The following MYRIP variants were observed in gnomAD, a reference collection of about 807,000 sequenced individuals.
The protein encoded by MYRIP is rab effector MyRIP.
Under a neutral mutation model 98.0 loss-of-function variants are expected in MYRIP, and 49 were observed. The ratio of observed to expected loss-of-function variants is 0.50; its 90% CI spans 0.40 to 0.63. The LOEUF (loss-of-function observed/expected upper bound fraction) is 0.63. Among genes scored for constraint, MYRIP ranks in the 30% least tolerant of loss-of-function variants. The pLI is 0.00. For missense variants in MYRIP, 1,004 were observed against 1,058.2 expected (o/e 0.95, Z 0.71); for synonymous variants, 404 against 409.5 (o/e 0.99, Z 0.16).
chr3:40,081,089 G>A (rs1290627441), intron 3 of MYRIP, among the ~76,000 whole-genome samples: 2 of 151,860 alleles, frequency 1.3e-5, no homozygotes, highest in African/African-American at 4.8e-5. Flanking sequence ...TTATTGCATT[G>A]TCCTCAGAGA....
At chr3:40,129,885 A>T (rs1049690602) in intron 3 of MYRIP, among the ~76,000 whole-genome samples, 1 of 152,216 alleles carries the variant, frequency 6.6e-6, no homozygotes, top group Non-Finnish European at 1.5e-5. Context: ...GTGCTGTTCT[A>T]TGTGATTCCG....
At chr3:40,193,628 T>C (rs372415773) in intron 10 of MYRIP, among the ~76,000 whole-genome samples, 24 of 152,300 alleles carry the variant, frequency 1.6e-4, no homozygotes, top group African/African-American at 5.8e-4. Context: ...AATTTTAAAA[T>C]AGACTTGCCA....
At chr3:39,963,121 G>T (rs1945364001) in intron 2 of MYRIP, among the ~76,000 whole-genome samples, 1 of 152,056 alleles carries the variant, frequency 6.6e-6, no homozygotes, top group African/African-American at 2.4e-5. Context: ...GTCTGGATTT[G>T]GATCCGGTAT....
At chr3:40,247,814 G>A (rs748821843) in intron 13 of MYRIP, among the ~76,000 whole-genome samples, 2 of 152,234 alleles carry the variant, frequency 1.3e-5, no homozygotes, top group Non-Finnish European at 2.9e-5. Flanking sequence ...ATGATCCAGC[G>A]CCAAACAGCT....
chr3:40,067,455 G>A (rs1005742024), intron 3 of MYRIP, among the ~76,000 whole-genome samples: 3 of 152,166 alleles, frequency 2.0e-5, no homozygotes, highest in Non-Finnish European at 4.4e-5. Context: ...CTCTGGTGCA[G>A]TGGGGCCAGG....
chr3:40,019,355 G>A (rs992374860), intron 2 of MYRIP, among the ~76,000 whole-genome samples: 3 of 152,040 alleles, frequency 2.0e-5, no homozygotes, highest in Admixed American at 6.6e-5. Context: ...CTGTACCTTT[G>A]TACAAGGTGT....
chr3:39,951,066 T>C (rs982091375), intron 2 of MYRIP, among the ~76,000 whole-genome samples: 2 of 152,200 alleles, frequency 1.3e-5, no homozygotes, highest in African/African-American at 2.4e-5. Context: ...TATGGGTCCC[T>C]TCTCTTCAGG....
At chr3:40,081,586 C>T (rs887377450) in intron 3 of MYRIP, among the ~76,000 whole-genome samples, 5 of 152,106 alleles carry the variant, frequency 3.3e-5, no homozygotes, top group African/African-American at 1.2e-4. Flanking sequence ...CTTTTAATGA[C>T]AACCTAACAA....
At chr3:39,966,919 A>T (rs1167672442) in intron 2 of MYRIP, among the ~76,000 whole-genome samples, 1 of 152,134 alleles carries the variant, frequency 6.6e-6, no homozygotes, top group Non-Finnish European at 1.5e-5. Flanking sequence ...CACAATGGAG[A>T]GTGGACCCAG....
intron 3 of MYRIP, among the ~76,000 whole-genome samples, chr3:40,114,560 T>G (rs1028973382): frequency 1.3e-5 from 2 of 152,256 alleles, no homozygotes; most frequent in South Asian, 4.1e-4. Context: ...AACAAAGTAC[T>G]AGTTTTCTTA....
At chr3:40,092,033 G>C (rs1440397821) in intron 3 of MYRIP, among the ~76,000 whole-genome samples, 1 of 152,176 alleles carries the variant, frequency 6.6e-6, no homozygotes, top group African/African-American at 2.4e-5. Flanking sequence ...CAGAAGCTCT[G>C]TAAGCCTTGA....
chr3:40,033,256 A>G (rs574288858), intron 2 of MYRIP, among the ~76,000 whole-genome samples: 4 of 146,840 alleles, frequency 2.7e-5, no homozygotes, highest in South Asian at 4.3e-4. Context: ...AGGGTATTCA[A>G]TTAGGAAAAG....
intron 2 of MYRIP, among the ~76,000 whole-genome samples, chr3:40,024,950 C>T (rs1277141711): frequency 6.6e-6 from 1 of 152,170 alleles, no homozygotes; most frequent in Non-Finnish European, 1.5e-5. Flanking sequence ...TGCTGCACAA[C>T]TCTGGTACAT....
chr3:40,038,161 T>A (rs565978284), intron 2 of MYRIP, among the ~76,000 whole-genome samples: 1 of 152,156 alleles, frequency 6.6e-6, no homozygotes, highest in Non-Finnish European at 1.5e-5. Flanking sequence ...AGCCACATAT[T>A]TGGAAATTTT....
intron 7 of MYRIP, among the ~76,000 whole-genome samples, chr3:40,169,334 G>A (rs1470863872): frequency 1.3e-5 from 2 of 152,174 alleles, no homozygotes; most frequent in African/African-American, 4.8e-5. Flanking sequence ...GCCCATCTTG[G>A]TGGCTTAGCA....
intron 3 of MYRIP, among the ~76,000 whole-genome samples, chr3:40,102,252 G>A (rs1287105746): frequency 6.6e-6 from 1 of 152,176 alleles, no homozygotes; most frequent in Non-Finnish European, 1.5e-5. Context: ...AGTATCCTGG[G>A]TAAGCACAGT....
chr3:40,158,612 T>C (rs1950301350), intron 4 of MYRIP, among the ~76,000 whole-genome samples: 2 of 152,222 alleles, frequency 1.3e-5, no homozygotes, highest in African/African-American at 4.8e-5. Context: ...AGTCTCCCAT[T>C]ATTATTGTTT....
rs920679072 is a variant in MYRIP, at chr3:40,129,394, T to TA, written c.333-21650dup. 3.5e-5 allele frequency among the ~76,000 whole-genome samples: 4 copies of TA among 113,712 alleles called. No homozygotes were observed. The Admixed American group carries it at 5.3e-4, about 15-fold the overall frequency. 74.6% of individuals were successfully genotyped at this position (113,712 alleles called of 152,430 possible). A position where few individuals can be genotyped will look rare whatever the true frequency, so the allele number is the denominator to read the frequency against. ...AAGTGGAGGTTGCAGTGAGCCGAGA[T>TA]AAAACCACTACACTCCAGCCTGGGC... On this transcript the variant is annotated intron_variant, in intron 3 of 16. Coordinates refer to ENST00000302541, the MANE Select transcript of MYRIP (RefSeq NM_015460.4).
intron 2 of MYRIP, among the ~76,000 whole-genome samples, chr3:39,993,756 C>A (rs1559552283): frequency 1.3e-5 from 2 of 152,224 alleles, no homozygotes; most frequent in Admixed American, 1.3e-4. Flanking sequence ...CTAGATGTTA[C>A]AATGGATAGT....
Sources: allele counts gnomAD v4.1 joint callset (sites outside exome capture counted in the v4.1 genomes callset), GRCh38; gene constraint gnomAD v4.1.1; transcripts MANE v1.5; gene names NCBI Gene and HGNC (gene_info 2026-07-23, HGNC 2026-07-21).